SMC1A: variants seen among roughly 807,000 people sequenced by gnomAD.
The protein encoded by SMC1A is structural maintenance of chromosomes 1A, also known as structural maintenance of chromosomes protein 1A.
Under a neutral mutation model 94.5 loss-of-function variants are expected in SMC1A, and 4 were observed. The ratio of observed to expected loss-of-function variants is 0.04; its 90% CI spans 0.02 to 0.10. The LOEUF (loss-of-function observed/expected upper bound fraction) is 0.10. Among genes scored for constraint, SMC1A ranks in the 10% least tolerant of loss-of-function variants. SMC1A has a pLI of 1.00. For missense variants in SMC1A, 304 were observed against 989.0 expected (o/e 0.31, Z 9.29); for synonymous variants, 345 against 347.7 (o/e 0.99, Z 0.09).
chrX:53,404,753 A>T (rs782563659), intron 13 of SMC1A, among the ~76,000 whole-genome samples: 4 of 111,652 alleles, frequency 3.6e-5, no homozygotes, highest in African/African-American at 1.3e-4. Flanking sequence ...TGCCCGGCCG[A>T]GTAGGTATCA....
chrX:53,411,703 A>G lies in SMC1A; in HGVS notation c.1254+58T>C, dbSNP rs2075713551. 7 of 1,166,398 alleles carry G rather than the reference A, an allele frequency of 6.0e-6. No individual in the cohort carries two copies. The South Asian group carries it at 1.3e-4, about 21-fold the overall frequency. On this transcript the variant is annotated intron_variant, in intron 7 of 24. Coordinates refer to ENST00000322213, the MANE Select transcript of SMC1A (RefSeq NM_006306.4). The stretch of plus-strand genomic sequence containing the variant: ...GGATTATTTTGGATTTGGGATGCTC[A>G]ACCTATATATATCCTTTTCTGTGGA...
intron 16 of SMC1A, among the ~76,000 whole-genome samples, chrX:53,397,192 AG>A (rs1185316445): frequency 8.9e-6 from 1 of 111,794 alleles, no homozygotes; most frequent in Non-Finnish European, 1.9e-5. Context: ...GAAGGGGACT[AG>A]GATGAAGAGT....
intron 7 of SMC1A, among the ~76,000 whole-genome samples, chrX:53,410,926 C>CAAAAAAACAAAAAAAA (rs2075709365): frequency 3.5e-5 from 1 of 28,815 alleles, no homozygotes; most frequent in Non-Finnish European, 5.1e-5. Flanking sequence ...GGCTTTGTCT[C>CAAAAAAACAAAAAAAA]AAAAAAAAAA....
At chrX:53,383,318 A>G in intron 19 of SMC1A, 65 bp from the exon 20 acceptor site, 1 of 1,087,454 alleles carries the variant, frequency 9.2e-7, no homozygotes, top group Non-Finnish European at 1.2e-6. Flanking sequence ...CCCCACCGAA[A>G]GATGACTGAC....
At chrX:53,381,977 G>A (rs1289599974) in intron 22 of SMC1A, 6 of 428,184 alleles carry the variant, frequency 1.4e-5, no homozygotes, top group East Asian at 3.9e-5. Flanking sequence ...CAGCAACCTC[G>A]TGAGCAAAAG....
intron 7 of SMC1A, among the ~76,000 whole-genome samples, chrX:53,411,050 G>A (rs782535059): frequency 1.7e-4 from 18 of 107,727 alleles, no homozygotes; most frequent in African/African-American, 5.8e-4. Context: ...AGCCATGGTC[G>A]CACCACTGCA....
chrX:53,379,867 G>A lies in SMC1A; in HGVS notation c.*236C>T. On this transcript the variant is annotated 3_prime_UTR_variant, in exon 25 of 25. Coordinates refer to ENST00000322213, the MANE Select transcript of SMC1A (RefSeq NM_006306.4). ...AGGGGGTGTGTGTGATGAACAGATGGCCCTGTTCAGCTCAGCACCTCCTTT... is the reference window on the plus strand; with the variant it reads ...AGGGGGTGTGTGTGATGAACAGATGACCCTGTTCAGCTCAGCACCTCCTTT... 1 of 436,844 alleles carries A rather than the reference G, an allele frequency of 2.3e-6. No individual in the cohort carries two copies. The highest frequency in any genetic ancestry group is 6.3e-4 in the Middle Eastern group (1 of 1,599). 36.0% of individuals were successfully genotyped at this position (436,844 alleles called of 1,213,427 possible).
Position 53,374,588 on chromosome X carries a change from T to G in SMC1A, c.*5515A>C, listed in dbSNP as rs2075553128. On this transcript the variant is annotated 3_prime_UTR_variant, in exon 25 of 25. Coordinates refer to ENST00000322213, the MANE Select transcript of SMC1A (RefSeq NM_006306.4). ...TTGTGGTTCTTGCAGTCTCATCGCT[T>G]CTACTGTCTCATGATCTTATCTATT... 1.8e-5 allele frequency: 2 copies of G among 111,949 alleles called. No homozygotes were observed. Among genetic ancestry groups the G allele is most frequent in the Non-Finnish European group, 3.8e-5 (2 of 53,163 alleles). The allele number at this position is 111,949 out of a possible 1,213,427, so 9.2% of individuals were successfully genotyped here. A position where few individuals can be genotyped will look rare whatever the true frequency, so the allele number is the denominator to read the frequency against.
Position 53,387,284 on chromosome X carries a change from T to C in SMC1A, c.2974-4031A>G, listed in dbSNP as rs372999184. Among the ~76,000 whole-genome samples the C allele has an allele frequency of 2.5e-3, 280 of 112,246 alleles. 1 individual carries two copies. The highest frequency in any genetic ancestry group is 8.7e-3 in the African/African-American group (270 of 30,946). On this transcript the variant is annotated intron_variant, in intron 19 of 24. Coordinates refer to ENST00000322213, the MANE Select transcript of SMC1A (RefSeq NM_006306.4). ...TGCTGGGATTACAGGCGTGAGCCAC[T>C]GCGCCTGGCCCTTTTACTAATAATA...
intron 7 of SMC1A, 55 bp from the exon 8 acceptor site, chrX:53,409,558 G>A: frequency 1.0e-6 from 1 of 975,021 alleles, no homozygotes; most frequent in Non-Finnish European, 1.5e-6. Flanking sequence ...CCAAGACCAT[G>A]GGGGCTCTAG....
intron 1 of SMC1A, 112 bp from the exon 2 acceptor site, chrX:53,415,281 C>G: frequency 3.3e-6 from 2 of 614,901 alleles, no homozygotes; most frequent in Non-Finnish European, 5.3e-6. Flanking sequence ...AGTACTCAGA[C>G]TAATGGGAAG....
rs782614030 is a variant in SMC1A, at chrX:53,421,903, T to C, written c.109+589A>G. 16 of 1,179,667 alleles carry C rather than the reference T, an allele frequency of 1.4e-5. No individual in the cohort carries two copies. In the East Asian group the frequency reaches 4.3e-4, roughly 31 times the overall value. ...GAGTTCGAGGCAACTACCTCTGACA[T>C]AGCGGTGGGGGGTGGGGATCGACAC... On this transcript the variant is annotated intron_variant, in intron 1 of 24. Transcript: ENST00000322213.
Position 53,379,466 on chromosome X carries a change from G to A in SMC1A, c.*637C>T, listed in dbSNP as rs1196416672. On this transcript the variant is annotated 3_prime_UTR_variant, in exon 25 of 25. Transcript: ENST00000322213. ...ACCCACTGTATCTCCTTACTAGGAG[G>A]GTAGAGATCATGTCTGATTCAACTC... is the stretch of plus-strand genomic sequence containing the variant. 8.9e-6 allele frequency: 1 copy of A among 112,961 alleles called. No homozygotes were observed. The highest frequency in any genetic ancestry group is 1.9e-5 in the Non-Finnish European group (1 of 53,931). 9.3% of individuals were successfully genotyped at this position (112,961 alleles called of 1,213,427 possible).
chrX:53,421,774 C>A, intron 1 of SMC1A: 1 of 783,624 alleles, frequency 1.3e-6, no homozygotes, highest in African/African-American at 2.1e-5. Flanking sequence ...TCCGCTGTTT[C>A]CACAACTTGC....
At chrX:53,398,137 A>C (rs2075658539) in intron 16 of SMC1A, among the ~76,000 whole-genome samples, 1 of 104,390 alleles carries the variant, frequency 9.6e-6, no homozygotes, top group Admixed American at 1.1e-4. Context: ...CAGTGAGCCA[A>C]GTACTATTGC....
chrX:53,412,481 C>A (rs1446851971), intron 5 of SMC1A, among the ~76,000 whole-genome samples: 2 of 112,477 alleles, frequency 1.8e-5, no homozygotes, highest in African/African-American at 6.5e-5. Context: ...GCAAAGCTAC[C>A]AACTCTGCCT....
At chrX:53,418,640 C>T (rs1556891600) in intron 1 of SMC1A, among the ~76,000 whole-genome samples, 1 of 112,234 alleles carries the variant, frequency 8.9e-6, no homozygotes. Flanking sequence ...CCCTATGTTG[C>T]CTAGGCTGGT....
chrX:53,413,208 C>T, intron 4 of SMC1A, 24 bp downstream of exon 4: 1 of 1,211,884 alleles, frequency 8.3e-7, no homozygotes, highest in Non-Finnish European at 1.1e-6. Flanking sequence ...TCCCTCAGAG[C>T]CAAGAGGTAG....
chrX:53,384,559 C>T (rs1569352323), intron 19 of SMC1A, among the ~76,000 whole-genome samples: 1 of 111,031 alleles, frequency 9.0e-6, no homozygotes, highest in Admixed American at 9.7e-5. Flanking sequence ...CCACCATGCC[C>T]GGCCAGGAAC....
Sources: allele counts gnomAD v4.1 joint callset (sites outside exome capture counted in the v4.1 genomes callset), GRCh38; gene constraint gnomAD v4.1.1; transcripts MANE v1.5; gene names NCBI Gene and HGNC (gene_info 2026-07-23, HGNC 2026-07-21).